The following PRKCA variants were observed in gnomAD, a reference collection of about 807,000 sequenced individuals.
The protein encoded by PRKCA is protein kinase C alpha, also known as protein kinase C alpha type.
In PRKCA, 27 loss-of-function variants were observed where a neutral mutation model predicts 87.0. The observed-to-expected ratio is 0.31, with a 90% CI of 0.23 to 0.43. The LOEUF (loss-of-function observed/expected upper bound fraction) is 0.43. Among genes scored for constraint, PRKCA ranks in the 20% least tolerant of loss-of-function variants. The probability of loss-of-function intolerance (pLI) is 1.00; values close to 1 mark genes in which losing one functional copy is unlikely to be tolerated. For missense variants in PRKCA, 518 were observed against 852.3 expected (o/e 0.61, Z 4.88); for synonymous variants, 329 against 311.1 (o/e 1.06, Z -0.61).
At chr17:66,315,780 G>A (rs1197428376) in intron 2 of PRKCA, among the ~76,000 whole-genome samples, 4 of 152,124 alleles carry the variant, frequency 2.6e-5, no homozygotes, top group African/African-American at 4.8e-5. Flanking sequence ...ACGTCCAGCC[G>A]GAAGTGTTTT....
At chr17:66,329,153 C>T (rs963304055) in intron 2 of PRKCA, among the ~76,000 whole-genome samples, 60 of 152,166 alleles carry the variant, frequency 3.9e-4, no homozygotes, top group Middle Eastern at 3.4e-3. Context: ...GGAGGACAAA[C>T]GTTTGCAAAT....
intron 7 of PRKCA, 75 bp downstream of exon 7, chr17:66,688,511 T>C (rs960003636): frequency 1.9e-6 from 3 of 1,581,540 alleles, no homozygotes; most frequent in African/African-American, 2.7e-5. Flanking sequence ...GTCTCTCAAA[T>C]GTCAGTTGAG....
At chr17:66,426,374 T>A (rs756228849) in intron 2 of PRKCA, among the ~76,000 whole-genome samples, 6 of 152,180 alleles carry the variant, frequency 3.9e-5, no homozygotes, top group Admixed American at 6.5e-5. Context: ...GGGAGTGGTG[T>A]TTGACCATAA....
At chr17:66,573,743 G>A (rs1969146452) in intron 3 of PRKCA, among the ~76,000 whole-genome samples, 1 of 152,112 alleles carries the variant, frequency 6.6e-6, no homozygotes, top group African/African-American at 2.4e-5. Flanking sequence ...ATTTTGAAGT[G>A]CGACATTCAC....
intron 2 of PRKCA, among the ~76,000 whole-genome samples, chr17:66,376,262 G>A (rs1909409872): frequency 6.6e-6 from 1 of 152,154 alleles, no homozygotes; most frequent in African/African-American, 2.4e-5. Flanking sequence ...TCAGAGACAA[G>A]CTAACTGCTA....
intron 2 of PRKCA, among the ~76,000 whole-genome samples, chr17:66,399,886 T>G (rs912278993): frequency 6.6e-6 from 1 of 152,102 alleles, no homozygotes; most frequent in Non-Finnish European, 1.5e-5. Flanking sequence ...TGGTTCAGAT[T>G]GGGGATTTTT....
chr17:66,366,607 G>GGGT (rs201939356), intron 2 of PRKCA, among the ~76,000 whole-genome samples: 1,830 of 152,248 alleles, frequency 0.012, 36 homozygotes, highest in African/African-American at 0.041. Context: ...GAGTTTGAAG[G>GGGT]GGTGAGCTAG....
chr17:66,328,785 C>T (rs1337728122), intron 2 of PRKCA, among the ~76,000 whole-genome samples: 1 of 152,064 alleles, frequency 6.6e-6, no homozygotes, highest in East Asian at 1.9e-4. Context: ...GTGACAGAGC[C>T]GGACTCCGTC....
At chr17:66,549,603 G>A (rs918038869) in intron 3 of PRKCA, among the ~76,000 whole-genome samples, 2 of 152,168 alleles carry the variant, frequency 1.3e-5, no homozygotes, top group African/African-American at 4.8e-5. Context: ...CACATAAATT[G>A]ATATTGAGCA....
intron 3 of PRKCA, among the ~76,000 whole-genome samples, chr17:66,523,906 T>C (rs1229221672): frequency 6.6e-6 from 1 of 152,194 alleles, no homozygotes; most frequent in Non-Finnish European, 1.5e-5. Flanking sequence ...GACTAATTAC[T>C]ATTTATAGTT....
chr17:66,544,749 T>C (rs561745839), intron 3 of PRKCA, among the ~76,000 whole-genome samples: 1 of 152,144 alleles, frequency 6.6e-6, no homozygotes, highest in Non-Finnish European at 1.5e-5. Context: ...TGCGCCACCA[T>C]GCCCAGCTAA....
At chr17:66,527,716 A>T (rs888383206) in intron 3 of PRKCA, among the ~76,000 whole-genome samples, 4 of 152,226 alleles carry the variant, frequency 2.6e-5, no homozygotes, top group African/African-American at 9.6e-5. Flanking sequence ...TTTAAGGACT[A>T]AAATCACTTT....
intron 2 of PRKCA, among the ~76,000 whole-genome samples, chr17:66,495,101 CAA>C (rs34731379): frequency 1.4e-4 from 18 of 132,220 alleles, no homozygotes; most frequent in Admixed American, 1.1e-3. Context: ...GACCCGGTCT[CAA>C]AAAAAAAAAA....
At chr17:66,372,340 C>G (rs950501409) in intron 2 of PRKCA, among the ~76,000 whole-genome samples, 6 of 152,136 alleles carry the variant, frequency 3.9e-5, no homozygotes, top group African/African-American at 1.2e-4. Flanking sequence ...TTACATATAC[C>G]ATTGGAGACA....
At chr17:66,548,570 G>A (rs867807673) in intron 3 of PRKCA, among the ~76,000 whole-genome samples, 38 of 152,168 alleles carry the variant, frequency 2.5e-4, no homozygotes, top group African/African-American at 8.7e-4. Context: ...GTCCTGAGTG[G>A]TGGCCCTCTC....
intron 3 of PRKCA, among the ~76,000 whole-genome samples, chr17:66,565,135 G>A (rs544764791): frequency 6.6e-6 from 1 of 152,242 alleles, no homozygotes; most frequent in East Asian, 1.9e-4. Flanking sequence ...GTTAAGCCTT[G>A]GTTTCCTAAC....
intron 5 of PRKCA, among the ~76,000 whole-genome samples, chr17:66,653,582 C>T (rs995119750): frequency 1.3e-5 from 2 of 152,086 alleles, no homozygotes; most frequent in African/African-American, 2.4e-5. Flanking sequence ...CAGAGCAAAA[C>T]CCCATCTCCA....
chr17:66,485,629 A>G (rs1312981173), intron 2 of PRKCA, among the ~76,000 whole-genome samples: 1 of 152,156 alleles, frequency 6.6e-6, no homozygotes, highest in East Asian at 1.9e-4. Context: ...AGTGCTACAC[A>G]TTTTGCTGAA....
At chr17:66,327,667 T>C (rs1162845057) in intron 2 of PRKCA, among the ~76,000 whole-genome samples, 1 of 152,228 alleles carries the variant, frequency 6.6e-6, no homozygotes, top group African/African-American at 2.4e-5. Context: ...TTATTTCAAT[T>C]CATCTTTTCT....
Sources: gnomAD v4.1 joint callset for allele counts (sites outside exome capture counted in the v4.1 genomes callset) on GRCh38, gnomAD v4.1.1 for gene constraint, MANE v1.5 for transcripts, NCBI Gene and HGNC (gene_info 2026-07-23, HGNC 2026-07-21) for gene names.